The following CTNNA3 variants were observed in gnomAD, a reference collection of about 807,000 sequenced individuals.
CTNNA3 encodes catenin alpha 3, also known as catenin alpha-3.
A neutral mutation model predicts 95.7 loss-of-function variants in CTNNA3; 76 were observed. The observed-to-expected ratio is 0.79, with a 90% CI of 0.66 to 0.96. CTNNA3 has a LOEUF of 0.96. Ranked by LOEUF, CTNNA3 falls within the 40% of genes least tolerant of loss-of-function variation. The pLI is 0.00. For missense variants in CTNNA3, 1,191 were observed against 1,089.8 expected (o/e 1.09, Z -1.31); for synonymous variants, 431 against 374.4 (o/e 1.15, Z -1.74).
At chr10:67,523,600 C>G (rs1365778477) in intron 4 of CTNNA3, among the ~76,000 whole-genome samples, 1 of 152,124 alleles carries the variant, frequency 6.6e-6, no homozygotes, top group African/African-American at 2.4e-5. Context: ...CTCACTGATA[C>G]TGACACTGAC....
intron 7 of CTNNA3, among the ~76,000 whole-genome samples, chr10:67,094,974 A>G (rs1857887083): frequency 6.6e-6 from 1 of 151,374 alleles, no homozygotes; most frequent in Non-Finnish European, 1.5e-5. Flanking sequence ...ACCTGATTTA[A>G]ATGATTTTGA....
chr10:67,311,052 G>A (rs1193491521), intron 5 of CTNNA3, among the ~76,000 whole-genome samples: 1 of 152,070 alleles, frequency 6.6e-6, no homozygotes, highest in Non-Finnish European at 1.5e-5. Flanking sequence ...CTAGTATAAA[G>A]GAATTTACAA....
intron 12 of CTNNA3, among the ~76,000 whole-genome samples, chr10:66,331,643 T>A (rs906795056): frequency 6.6e-5 from 10 of 152,006 alleles, no homozygotes; most frequent in African/African-American, 9.7e-5. Flanking sequence ...AGGGCTCTGT[T>A]CTGTTCCATT....
chr10:67,604,633 T>C (rs766259312), intron 3 of CTNNA3, among the ~76,000 whole-genome samples: 9 of 152,188 alleles, frequency 5.9e-5, no homozygotes, highest in Non-Finnish European at 1.2e-4. Flanking sequence ...TAAAAGAATC[T>C]GTACACCAAA....
At chr10:67,497,765 C>A (rs184140494) in intron 5 of CTNNA3, among the ~76,000 whole-genome samples, 1 of 152,170 alleles carries the variant, frequency 6.6e-6, no homozygotes. Context: ...CCTTCACCCA[C>A]GTTTTGATGG....
chr10:67,223,325 G>A (rs1864742308), intron 5 of CTNNA3, among the ~76,000 whole-genome samples: 1 of 152,176 alleles, frequency 6.6e-6, no homozygotes, highest in Non-Finnish European at 1.5e-5. Context: ...TTTAACTGAT[G>A]ATACCATAGG....
At chr10:67,267,984 G>T (rs1348336063) in intron 5 of CTNNA3, among the ~76,000 whole-genome samples, 1 of 151,836 alleles carries the variant, frequency 6.6e-6, no homozygotes, top group Non-Finnish European at 1.5e-5. Flanking sequence ...GTGAAGAGGG[G>T]TTAAGCACAT....
intron 9 of CTNNA3, among the ~76,000 whole-genome samples, chr10:66,639,859 A>C (rs1003436635): frequency 6.6e-6 from 1 of 152,134 alleles, no homozygotes; most frequent in African/African-American, 2.4e-5. Context: ...TACTTCATAT[A>C]TGTCACTTTT....
At position 67,111,761 on chromosome 10, in the gene CTNNA3, C is replaced by T. The variant is rs147583623; in HGVS notation, c.1047+68556G>A. 5.1e-3 allele frequency among the ~76,000 whole-genome samples: 781 copies of T among 151,978 alleles called. 1 individual carries two copies. The highest frequency in any genetic ancestry group is 0.016 in the African/African-American group (647 of 41,490). ...AGAGTCATGGTATCAACAGATAACA[C>T]GCCAGTCTCCCCAGGATACCACTAT... is the stretch of plus-strand genomic sequence containing the variant. On this transcript the variant is annotated intron_variant, in intron 7 of 17. Coordinates refer to ENST00000433211, the MANE Select transcript of CTNNA3 (RefSeq NM_013266.4).
At chr10:66,477,426 G>C (rs1317961155) in intron 11 of CTNNA3, among the ~76,000 whole-genome samples, 1 of 151,970 alleles carries the variant, frequency 6.6e-6, no homozygotes, top group African/African-American at 2.4e-5. Context: ...AGTAAATTTG[G>C]GAATGCATTA....
chr10:67,121,846 C>A (rs1423633866), intron 7 of CTNNA3, among the ~76,000 whole-genome samples: 1 of 151,878 alleles, frequency 6.6e-6, no homozygotes, highest in Non-Finnish European at 1.5e-5. Flanking sequence ...TGTTGCCAAA[C>A]AGGGATATAG....
chr10:66,022,598 G>GACAC (rs34537265), intron 15 of CTNNA3, among the ~76,000 whole-genome samples: 1 of 149,370 alleles, frequency 6.7e-6, no homozygotes, highest in Non-Finnish European at 1.5e-5. Context: ...ATATGCACAT[G>GACAC]ACACACACAC....
chr10:66,704,071 GA>G (rs1848040029), intron 9 of CTNNA3, among the ~76,000 whole-genome samples: 1 of 152,004 alleles, frequency 6.6e-6, no homozygotes, highest in African/African-American at 2.4e-5. Context: ...TCCATTAAGT[GA>G]CAAGTGTTCA....
intron 11 of CTNNA3, among the ~76,000 whole-genome samples, chr10:66,404,353 A>C (rs2093041261): frequency 6.6e-6 from 1 of 152,092 alleles, no homozygotes; most frequent in Non-Finnish European, 1.5e-5. Flanking sequence ...GGTCAATTAA[A>C]CTCGTTCACT....
At chr10:66,047,731 C>G (rs560455684) in intron 15 of CTNNA3, among the ~76,000 whole-genome samples, 2 of 152,090 alleles carry the variant, frequency 1.3e-5, no homozygotes, top group Admixed American at 1.3e-4. Context: ...CTAGAAAACC[C>G]CAAAGTGTCA....
chr10:66,774,643 G>A (rs4307618), intron 8 of CTNNA3, among the ~76,000 whole-genome samples: 4 of 152,090 alleles, frequency 2.6e-5, no homozygotes, highest in Non-Finnish European at 5.9e-5. Flanking sequence ...ATTAAACTAC[G>A]ATAATACATT....
intron 13 of CTNNA3, among the ~76,000 whole-genome samples, chr10:66,217,406 C>CT (rs1393068237): frequency 6.7e-6 from 1 of 150,294 alleles, no homozygotes; most frequent in African/African-American, 2.4e-5. Context: ...CTGATATTAA[C>CT]TTTTTTTAAC....
intron 11 of CTNNA3, among the ~76,000 whole-genome samples, chr10:66,477,107 T>C (rs1264683097): frequency 6.6e-6 from 1 of 152,132 alleles, no homozygotes; most frequent in African/African-American, 2.4e-5. Flanking sequence ...TCATAATCTA[T>C]GACATTAATG....
At chr10:67,359,254 A>G (rs1842918781) in intron 5 of CTNNA3, among the ~76,000 whole-genome samples, 3 of 151,388 alleles carry the variant, frequency 2.0e-5, no homozygotes, top group African/African-American at 7.3e-5. Flanking sequence ...AAAAAAAAAA[A>G]GAAAGAAACA....
Sources: allele counts gnomAD v4.1 joint callset (sites outside exome capture counted in the v4.1 genomes callset), GRCh38; gene constraint gnomAD v4.1.1; transcripts MANE v1.5; gene names NCBI Gene and HGNC (gene_info 2026-07-23, HGNC 2026-07-21).